GANAB: variants seen among roughly 807,000 people sequenced by gnomAD.
GANAB encodes neutral alpha-glucosidase AB.
A neutral mutation model predicts 129.9 loss-of-function variants in GANAB; 35 were observed. The observed-to-expected ratio is 0.27, with a 90% CI of 0.21 to 0.36. The LOEUF (loss-of-function observed/expected upper bound fraction) is 0.36, where lower values mean the gene tolerates loss of function less well. Among genes scored for constraint, GANAB ranks in the 10% least tolerant of loss-of-function variants. The pLI is 1.00. For synonymous variants in GANAB, 482 were observed against 451.8 expected (o/e 1.07, Z -0.85); for missense variants, 939 against 1,221.0 (o/e 0.77, Z 3.44).
At chr11:62,643,468 T>C (rs976346089) in intron 1 of GANAB, among the ~76,000 whole-genome samples, 1 of 151,406 alleles carries the variant, frequency 6.6e-6, no homozygotes, top group African/African-American at 2.4e-5. Context: ...TGAAACCCCG[T>C]CTCTACTAAA....
chr11:62,633,137 T>C (rs1292515046), intron 7 of GANAB, 36 bp from the exon 8 acceptor site: 1 of 1,601,338 alleles, frequency 6.2e-7, no homozygotes, highest in Non-Finnish European at 8.6e-7. Flanking sequence ...GAGCTTCTGC[T>C]TGGAAAGGAG....
chr11:62,638,985 G>A lies in GANAB; in HGVS notation c.378C>T (p.Ala126=). 6.2e-7 allele frequency: 1 copy of A among 1,613,632 alleles called. No individual in the cohort carries two copies. The highest frequency in any genetic ancestry group is 1.3e-5 in the African/African-American group (1 of 74,966). The change falls in exon 4 of 24, where the codon GCC becomes GCT. Residue 126 remains alanine (A), a splice_region_variant and synonymous_variant. Transcript: ENST00000356638. Reference sequence around the variant, plus strand: ...GATGTTTCTCAGGAAAAATTTACCGGGCTATTGGTGGATCAGCCACCAAAA... The same window carrying A: ...GATGTTTCTCAGGAAAAATTTACCGAGCTATTGGTGGATCAGCCACCAAAA... ...PDVLVADPPI[A]RLSVSGRDEN...
chr11:62,646,588 T>A lies in GANAB; in HGVS notation c.12A>T (p.Val4=). The A allele has an allele frequency of 1.2e-6, 2 of 1,613,866 alleles. No homozygotes were observed. Among genetic ancestry groups the A allele is most frequent in the South Asian group, 1.1e-5 (1 of 91,086 alleles). The change falls in exon 1 of 24, where the codon GTA becomes GTT. Residue 4 remains valine (V), a synonymous_variant. Transcript: ENST00000356638. The part of the protein sequence containing the change: MAA[V]AAVAARRRRS... ...GCCTCCTACGCGCCGCCACTGCCGCTACCGCCGCCATCTTGTGCAGAGTTT... is the reference window on the plus strand; with the variant it reads ...GCCTCCTACGCGCCGCCACTGCCGCAACCGCCGCCATCTTGTGCAGAGTTT...
intron 9 of GANAB, among the ~76,000 whole-genome samples, 162 bp downstream of exon 9, chr11:62,632,403 A>G (rs181181631): frequency 4.0e-4 from 61 of 152,312 alleles, no homozygotes; most frequent in Non-Finnish European, 5.7e-4. Context: ...AATGTGAGTG[A>G]GCGTGTCACC....
chr11:62,646,425 G>C, intron 1 of GANAB, 137 bp downstream of exon 1: 6 of 996,736 alleles, frequency 6.0e-6, no homozygotes, highest in Non-Finnish European at 9.2e-6. Flanking sequence ...AGGCGTCTGA[G>C]GCCGCCTCCA....
At chr11:62,636,375 T>C (rs1590813499) in intron 4 of GANAB, among the ~76,000 whole-genome samples, 1 of 152,002 alleles carries the variant, frequency 6.6e-6, no homozygotes, top group Non-Finnish European at 1.5e-5. Flanking sequence ...CCGAGGCAGG[T>C]GGATCGCTTG....
rs144118755 is a variant in GANAB, at chr11:62,632,635, C to T, written c.926G>A (p.Arg309His). 255 of 1,613,916 alleles carry T rather than the reference C, an allele frequency of 1.6e-4. No homozygotes were observed. Among genetic ancestry groups the T allele is most frequent in the Non-Finnish European group, 2.0e-4 (236 of 1,179,922 alleles). The change falls in exon 9 of 24, where the codon CGC (arginine) becomes CAC (histidine). Residue 309 changes from arginine to histidine, a missense_variant. Coordinates refer to ENST00000356638, the MANE Select transcript of GANAB (RefSeq NM_198334.3). ...VPVLLAHNPH[R>H]DLGIFWLNAA... The stretch of plus-strand genomic sequence containing the variant: ...ATTGAGCCAGAAGATGCCCAAGTCG[C>T]GATGAGGGTTGTGTGCCAGGAGCAC...
In GANAB at chr11:62,629,311, A is replaced by G. The variant is rs781199955; in HGVS notation, c.1835-16T>C. 33 of 1,555,086 alleles carry G rather than the reference A, an allele frequency of 2.1e-5. No individual in the cohort carries two copies. The highest frequency in any genetic ancestry group is 3.3e-5 in the Admixed American group (2 of 59,938). The stretch of plus-strand genomic sequence containing the variant: ...CACACGGCTCCTGAGGAAGACAAGA[A>G]GTGGGGAGCTTGCACATGGTAAAGG... On this transcript the variant is annotated splice_polypyrimidine_tract_variant and intron_variant, in intron 15 of 23. Coordinates refer to ENST00000356638, the MANE Select transcript of GANAB (RefSeq NM_198334.3).
chr11:62,627,756 G>A (rs1273777550), intron 17 of GANAB, among the ~76,000 whole-genome samples: 1 of 151,990 alleles, frequency 6.6e-6, no homozygotes, highest in East Asian at 1.9e-4. Context: ...GAAAAGAAAA[G>A]AACAGCACAG....
At chr11:62,639,221 G>T (rs1352804240) in intron 3 of GANAB, 111 bp from the exon 4 acceptor site, 16 of 1,361,344 alleles carry the variant, frequency 1.2e-5, no homozygotes, top group Non-Finnish European at 1.6e-5. Flanking sequence ...TTTGCCTAAA[G>T]GCCAAGATCA....
chr11:62,629,212 C>A lies in GANAB; in HGVS notation c.1918G>T (p.Gly640Ter). 1.9e-6 allele frequency: 3 copies of A among 1,612,476 alleles called. No homozygotes were observed. Among genetic ancestry groups the A allele is most frequent in the Non-Finnish European group, 2.5e-6 (3 of 1,178,580 alleles). The change falls in exon 16 of 24, where the codon GGA becomes TGA. Residue 640 changes from glycine to a stop codon, truncating the protein, a stop_gained. Coordinates refer to ENST00000356638, the MANE Select transcript of GANAB (RefSeq NM_198334.3). LOFTEE classifies it high-confidence loss of function. ...IPMCLSLGLV[G>*]LSFCGADVGG... ...GTCTTACCCCCACAGAAGGAAAGTC[C>A]CACCAGCCCCAAGCTGAGACACATA... is the stretch of plus-strand genomic sequence containing the variant.
Position 62,625,727 on chromosome 11 carries a change from G to C in GANAB, c.*88C>G. Reference sequence around the variant, plus strand: ...CTTAGACTAGCATAAGTGAAGTCTGGGGAGGGCCGAACTCCAAGGCAGAAG... The same window carrying C: ...CTTAGACTAGCATAAGTGAAGTCTGCGGAGGGCCGAACTCCAAGGCAGAAG... On this transcript the variant is annotated 3_prime_UTR_variant, in exon 24 of 24. Transcript: ENST00000356638. 2 of 841,570 alleles carry C rather than the reference G, an allele frequency of 2.4e-6. No individual in the cohort carries two copies. The highest frequency in any genetic ancestry group is 1.4e-5 in the South Asian group (1 of 70,712). 52.1% of individuals were successfully genotyped at this position (841,570 alleles called of 1,614,324 possible).
intron 4 of GANAB, among the ~76,000 whole-genome samples, chr11:62,637,237 T>C (rs749186024): frequency 2.0e-5 from 3 of 152,156 alleles, no homozygotes; most frequent in Non-Finnish European, 2.9e-5. Flanking sequence ...TAGTAACTAA[T>C]GTATCACTAT....
At chr11:62,635,337 C>T (rs1425879276) in intron 4 of GANAB, among the ~76,000 whole-genome samples, 1 of 152,024 alleles carries the variant, frequency 6.6e-6, no homozygotes, top group Non-Finnish European at 1.5e-5. Flanking sequence ...GCATGCACCA[C>T]CACACCTGGC....
Position 62,628,225 on chromosome 11 carries a change from T to TTTTC in GANAB, c.2180+543_2180+544insGAAA, listed in dbSNP as rs1554971441. Among the ~76,000 whole-genome samples the TTTTC allele has an allele frequency of 6.4e-5, 8 of 124,592 alleles. 2 individuals carry two copies. The highest frequency in any genetic ancestry group is 9.8e-5 in the Non-Finnish European group (6 of 61,070). 81.7% of individuals were successfully genotyped at this position (124,592 alleles called of 152,430 possible). ...CAAAACTTTTTTTTTTTTTTTTTTT[T>TTTTC]CATTTTTTTGAGATGGAGTCTCCCT... On this transcript the variant is annotated intron_variant, in intron 17 of 23. Transcript: ENST00000356638.
chr11:62,634,243 C>A, intron 5 of GANAB: 1 of 1,091,472 alleles, frequency 9.2e-7, no homozygotes, highest in Non-Finnish European at 1.4e-6. Flanking sequence ...CACCTCCCCC[C>A]AAAGGCTAGA....
In GANAB at chr11:62,639,219, A is replaced by C. The variant is rs150835160; in HGVS notation, c.253-109T>G. ...TTTCTTCCTTTGAGCCCTTTGCCTAAAGGCCAAGATCACATTTCTTCATAA... is the reference window on the plus strand; with the variant it reads ...TTTCTTCCTTTGAGCCCTTTGCCTACAGGCCAAGATCACATTTCTTCATAA... On this transcript the variant is annotated intron_variant, in intron 3 of 23. Transcript: ENST00000356638. 222 of 1,370,334 alleles carry C rather than the reference A, an allele frequency of 1.6e-4. 1 individual carries two copies. The African/African-American group carries it at 2.9e-3, about 18-fold the overall frequency. 84.9% of individuals were successfully genotyped at this position (1,370,334 alleles called of 1,614,324 possible). A position where few individuals can be genotyped will look rare whatever the true frequency, so the allele number is the denominator to read the frequency against.
Position 62,629,220 on chromosome 11 carries a change from C to T in GANAB, c.1910G>A (p.Gly637Glu). The T allele has an allele frequency of 6.2e-7, 1 of 1,613,282 alleles. No individual in the cohort carries two copies. The highest frequency in any genetic ancestry group is 8.5e-7 in the Non-Finnish European group (1 of 1,179,270). The change falls in exon 16 of 24, where the codon GGG (glycine) becomes GAG (glutamate). Residue 637 changes from glycine (G) to glutamate (E), a missense_variant. Coordinates refer to ENST00000356638, the MANE Select transcript of GANAB (RefSeq NM_198334.3). ...KISIPMCLSLGLVGLSFCGAD... is the reference protein window; with the variant it reads ...KISIPMCLSLELVGLSFCGAD... ...CCCACAGAAGGAAAGTCCCACCAGC[C>T]CCAAGCTGAGACACATAGGAATAGA...
Position 62,629,288 on chromosome 11 carries a change from C to A in GANAB, c.1842G>T (p.Val614=). The A allele has an allele frequency of 1.2e-6, 2 of 1,608,996 alleles. No individual in the cohort carries two copies. Among genetic ancestry groups the A allele is most frequent in the East Asian group, 2.2e-5 (1 of 44,852 alleles). The change falls in exon 16 of 24, where the codon GTG becomes GTT. Residue 614 remains valine (V), a synonymous_variant. Transcript: ENST00000356638. ...ACTCGGCAGTGTTGTCCCCTGTCCA[C>A]ACGGCTCCTGAGGAAGACAAGAAGT... ...FFAGSQRFGA[V]WTGDNTAEWD...
Sources: gnomAD v4.1 joint callset for allele counts (sites outside exome capture counted in the v4.1 genomes callset) on GRCh38, gnomAD v4.1.1 for gene constraint, MANE v1.5 for transcripts, NCBI Gene and HGNC (gene_info 2026-07-23, HGNC 2026-07-21) for gene names.